The following SUCLG2 variants were observed in gnomAD, a reference collection of about 807,000 sequenced individuals.
The protein encoded by SUCLG2 is succinate-CoA ligase GDP-forming subunit beta.
A neutral mutation model predicts 47.9 loss-of-function variants in SUCLG2; 42 were observed. That is an observed-to-expected ratio of 0.88 (90% CI 0.69 to 1.14). SUCLG2 has a LOEUF of 1.14. SUCLG2 is among the 50% of genes most tolerant of loss of function. The pLI, the probability that SUCLG2 is intolerant of heterozygous loss-of-function variation, is 0.00. For missense variants in SUCLG2, 571 were observed against 525.9 expected (o/e 1.09, Z -0.84); for synonymous variants, 195 against 197.3 (o/e 0.99, Z 0.10).
intron 9 of SUCLG2, among the ~76,000 whole-genome samples, chr3:67,401,575 CAAAAAA>C (rs5849753): frequency 2.5e-5 from 3 of 121,666 alleles, no homozygotes; most frequent in Non-Finnish European, 5.2e-5. Flanking sequence ...GCATGTGGGC[CAAAAAA>C]AAAAAAAAAA....
chr3:67,402,672 C>T (rs1702713971), intron 9 of SUCLG2, among the ~76,000 whole-genome samples: 2 of 152,198 alleles, frequency 1.3e-5, no homozygotes, highest in Non-Finnish European at 2.9e-5. Flanking sequence ...ATGATAGAAA[C>T]TCAGGACCTG....
chr3:67,600,493 A>G (rs1291980998), intron 2 of SUCLG2, among the ~76,000 whole-genome samples: 1 of 152,208 alleles, frequency 6.6e-6, no homozygotes, highest in Non-Finnish European at 1.5e-5. Flanking sequence ...GTAATCAGTC[A>G]AAGTAGGGCT....
chr3:67,407,911 A>G (rs1702851370), intron 9 of SUCLG2, among the ~76,000 whole-genome samples: 1 of 152,198 alleles, frequency 6.6e-6, no homozygotes. Flanking sequence ...CTGGCAGCCA[A>G]CGAAGGAAAA....
At chr3:67,473,112 A>G (rs997971985) in intron 9 of SUCLG2, among the ~76,000 whole-genome samples, 2 of 152,226 alleles carry the variant, frequency 1.3e-5, no homozygotes, top group Non-Finnish European at 2.9e-5. Context: ...AAAAGAAAAT[A>G]CTGGAAGTAG....
intron 1 of SUCLG2, among the ~76,000 whole-genome samples, chr3:67,634,534 C>T (rs576428993): frequency 1.3e-5 from 2 of 152,176 alleles, no homozygotes; most frequent in Non-Finnish European, 2.9e-5. Flanking sequence ...ATTAACTATA[C>T]TTAATAATTT....
intron 7 of SUCLG2, among the ~76,000 whole-genome samples, chr3:67,507,268 A>G (rs564677094): frequency 6.6e-6 from 1 of 152,324 alleles, no homozygotes; most frequent in East Asian, 1.9e-4. Flanking sequence ...TTTCTATCGG[A>G]TGGTCATCTG....
rs1389901331 is a variant in SUCLG2, at chr3:67,628,610, T to TG, written c.85-19015dup. Among the ~76,000 whole-genome samples the TG allele has an allele frequency of 4.6e-5, 7 of 152,108 alleles. No homozygotes were observed. The East Asian group carries it at 1.2e-3, about 25-fold the overall frequency. ...TTACCAATGGGAGGTAACTGAATCA[T>TG]GGGGGTGGGTTTTTCCCATGCTGTT... On this transcript the variant is annotated intron_variant, in intron 1 of 10. Transcript: ENST00000307227.
intron 9 of SUCLG2, among the ~76,000 whole-genome samples, chr3:67,422,458 A>T (rs539299571): frequency 7.8e-6 from 1 of 128,968 alleles, no homozygotes; most frequent in Admixed American, 8.5e-5. Context: ...CTGGTGACAG[A>T]GCGAGACTCC....
At chr3:67,651,861 C>T (rs925225004) in intron 1 of SUCLG2, among the ~76,000 whole-genome samples, 1 of 152,226 alleles carries the variant, frequency 6.6e-6, no homozygotes, top group African/African-American at 2.4e-5. Flanking sequence ...GCAATCCATT[C>T]TCCATCCCAT....
rs567138343 is a variant in SUCLG2, at chr3:67,546,376, A to T, written c.227-17190T>A. 5.9e-5 allele frequency among the ~76,000 whole-genome samples: 9 copies of T among 152,236 alleles called. No individual in the cohort carries two copies. In the East Asian group the frequency reaches 1.5e-3, roughly 26 times the overall value. On this transcript the variant is annotated intron_variant, in intron 2 of 10. Transcript: ENST00000307227. Reference sequence around the variant, plus strand: ...AGAAATCAAGTCCTGTTTCATATGAACCAAGCAGTCCTACAGGAGGATACC... The same window carrying T: ...AGAAATCAAGTCCTGTTTCATATGATCCAAGCAGTCCTACAGGAGGATACC...
chr3:67,375,733 G>A lies in SUCLG2; in HGVS notation c.*11C>T. 1 of 1,610,380 alleles carries A rather than the reference G, an allele frequency of 6.2e-7. No individual in the cohort carries two copies. Among genetic ancestry groups the A allele is most frequent in the African/African-American group, 1.3e-5 (1 of 74,950 alleles). On this transcript the variant is annotated 3_prime_UTR_variant, in exon 11 of 11. Coordinates refer to ENST00000307227, the MANE Select transcript of SUCLG2 (RefSeq NM_003848.4). Reference sequence around the variant, plus strand: ...ATGGCTTTCTTTCTCCATTGGATCAGGACAAAGACATCACTTCTTGGCCAC... The same window carrying A: ...ATGGCTTTCTTTCTCCATTGGATCAAGACAAAGACATCACTTCTTGGCCAC...
intron 9 of SUCLG2, among the ~76,000 whole-genome samples, chr3:67,423,233 T>C (rs969316442): frequency 2.6e-5 from 4 of 152,112 alleles, no homozygotes; most frequent in African/African-American, 9.7e-5. Flanking sequence ...TGTCTGGCAT[T>C]TCCCGTGCTT....
intron 1 of SUCLG2, among the ~76,000 whole-genome samples, chr3:67,614,683 C>T (rs1310918240): frequency 1.3e-5 from 2 of 151,890 alleles, no homozygotes; most frequent in African/African-American, 2.4e-5. Context: ...TCTTTGGGAC[C>T]CTATACTGGA....
chr3:67,447,537 T>G (rs989776871), intron 9 of SUCLG2, among the ~76,000 whole-genome samples: 5 of 152,114 alleles, frequency 3.3e-5, no homozygotes, highest in African/African-American at 9.7e-5. Context: ...GCAGGAGAAA[T>G]GCAGAATACA....
chr3:67,514,704 T>C (rs1332591376), intron 6 of SUCLG2, among the ~76,000 whole-genome samples: 1 of 152,204 alleles, frequency 6.6e-6, no homozygotes, highest in Non-Finnish European at 1.5e-5. Flanking sequence ...TTACCCATGG[T>C]CTACTGAGGT....
intron 9 of SUCLG2, among the ~76,000 whole-genome samples, chr3:67,418,173 T>C (rs1703076796): frequency 6.6e-6 from 1 of 152,164 alleles, no homozygotes; most frequent in African/African-American, 2.4e-5. Context: ...GGGATAATAA[T>C]ATTAGTACCT....
At chr3:67,623,420 G>C (rs925455504) in intron 1 of SUCLG2, among the ~76,000 whole-genome samples, 1 of 152,166 alleles carries the variant, frequency 6.6e-6, no homozygotes, top group Admixed American at 6.5e-5. Context: ...AGAATGGCGC[G>C]AACCCGAGAG....
chr3:67,414,655 T>A (rs1381939816), intron 9 of SUCLG2, among the ~76,000 whole-genome samples: 4 of 152,118 alleles, frequency 2.6e-5, no homozygotes, highest in Non-Finnish European at 5.9e-5. Context: ...TCTGGATTTT[T>A]AAAAACACTA....
At chr3:67,561,003 T>G (rs561220395) in intron 2 of SUCLG2, among the ~76,000 whole-genome samples, 1 of 147,918 alleles carries the variant, frequency 6.8e-6, no homozygotes, top group Non-Finnish European at 1.5e-5. Flanking sequence ...AAGTTAATAC[T>G]AACGCAATTG....
Sources: gnomAD v4.1 joint callset for allele counts (sites outside exome capture counted in the v4.1 genomes callset) on GRCh38, gnomAD v4.1.1 for gene constraint, MANE v1.5 for transcripts, NCBI Gene and HGNC (gene_info 2026-07-23, HGNC 2026-07-21) for gene names.